Variants in ADGRB3 observed in about 807,000 individuals in gnomAD.
ADGRB3 encodes adhesion G protein-coupled receptor B3.
Under a neutral mutation model 193.4 loss-of-function variants are expected in ADGRB3, and 37 were observed. The observed-to-expected ratio is 0.19, with a 90% CI of 0.15 to 0.25. ADGRB3 has a LOEUF of 0.25. Among genes scored for constraint, ADGRB3 ranks in the 10% least tolerant of loss-of-function variants. The pLI is 1.00. For missense variants in ADGRB3, 1,637 were observed against 1,852.9 expected (o/e 0.88, Z 2.14); for synonymous variants, 690 against 644.2 (o/e 1.07, Z -1.08).
At chr6:69,323,127 C>A (rs1432137062) in intron 20 of ADGRB3, among the ~76,000 whole-genome samples, 2 of 151,978 alleles carry the variant, frequency 1.3e-5, no homozygotes, top group Non-Finnish European at 2.9e-5. Context: ...AGTACACCAA[C>A]ACTTAGGGTC....
intron 16 of ADGRB3, among the ~76,000 whole-genome samples, chr6:69,070,738 T>G (rs889476579): frequency 6.6e-6 from 1 of 152,178 alleles, no homozygotes; most frequent in Non-Finnish European, 1.5e-5. Context: ...GCATCCCAGT[T>G]TATTCTGAAG....
intron 3 of ADGRB3, among the ~76,000 whole-genome samples, chr6:68,882,235 T>C (rs781283936): frequency 1.3e-5 from 2 of 152,136 alleles, no homozygotes; most frequent in African/African-American, 2.4e-5. Flanking sequence ...CAAGGAAAAA[T>C]ATATTTAGAT....
At position 68,866,888 on chromosome 6, in the gene ADGRB3, T is replaced by A. The variant is rs140102314; in HGVS notation, c.758-63671T>A. Among the ~76,000 whole-genome samples the A allele has an allele frequency of 2.2e-3, 337 of 152,270 alleles. 3 individuals carry two copies. The highest frequency in any genetic ancestry group is 7.6e-3 in the African/African-American group (316 of 41,564). ...CTTCCAAGTAAAAAAGCATTCAAGA[T>A]GTAATATGGCTGCTCCTAATAGTAT... On this transcript the variant is annotated intron_variant, in intron 3 of 31. Transcript: ENST00000370598.
chr6:69,235,677 C>G (rs1227035424), intron 19 of ADGRB3, among the ~76,000 whole-genome samples: 3 of 151,860 alleles, frequency 2.0e-5, no homozygotes, highest in Non-Finnish European at 4.4e-5. Context: ...CAGACTTTGA[C>G]AAATTGATTA....
chr6:69,351,091 G>C (rs1322264977), intron 26 of ADGRB3, among the ~76,000 whole-genome samples: 1 of 124,960 alleles, frequency 8.0e-6, no homozygotes, highest in African/African-American at 3.3e-5. Flanking sequence ...AGATTCCCTA[G>C]ATACTTTTTT....
At chr6:69,187,675 T>G (rs914983836) in intron 17 of ADGRB3, among the ~76,000 whole-genome samples, 2 of 152,200 alleles carry the variant, frequency 1.3e-5, no homozygotes, top group African/African-American at 4.8e-5. Context: ...TTACTTCTGT[T>G]TCAACACAAA....
At chr6:69,108,165 G>A (rs971579773) in intron 17 of ADGRB3, among the ~76,000 whole-genome samples, 1 of 151,618 alleles carries the variant, frequency 6.6e-6, no homozygotes, top group Non-Finnish European at 1.5e-5. Context: ...TTTTCTTTTA[G>A]GAGAGACTGT....
chr6:69,380,181 T>C (rs1186040278), intron 30 of ADGRB3, among the ~76,000 whole-genome samples: 2 of 151,994 alleles, frequency 1.3e-5, no homozygotes, highest in Non-Finnish European at 2.9e-5. Flanking sequence ...GTTTGCTTCT[T>C]AAAAATGCTT....
At chr6:69,296,346 C>G (rs1453633050) in intron 20 of ADGRB3, among the ~76,000 whole-genome samples, 1 of 152,090 alleles carries the variant, frequency 6.6e-6, no homozygotes, top group Non-Finnish European at 1.5e-5. Context: ...AAACGAGAGG[C>G]TCAGCCATGT....
At chr6:68,848,931 T>G (rs551915129) in intron 3 of ADGRB3, among the ~76,000 whole-genome samples, 6 of 152,164 alleles carry the variant, frequency 3.9e-5, no homozygotes, top group Admixed American at 3.9e-4. Flanking sequence ...AAGACTAACT[T>G]AATTTTTAAT....
At chr6:69,126,570 G>A (rs190793785) in intron 17 of ADGRB3, among the ~76,000 whole-genome samples, 1 of 152,300 alleles carries the variant, frequency 6.6e-6, no homozygotes, top group Admixed American at 6.5e-5. Context: ...AAGAGAGAGA[G>A]AGAATTCACC....
At chr6:68,871,977 G>T (rs899353776) in intron 3 of ADGRB3, among the ~76,000 whole-genome samples, 1 of 151,962 alleles carries the variant, frequency 6.6e-6, no homozygotes, top group Non-Finnish European at 1.5e-5. Context: ...TTAAACTTTT[G>T]CTAAAATTTT....
chr6:68,846,870 A>G (rs1438820815), intron 3 of ADGRB3, among the ~76,000 whole-genome samples: 1 of 152,198 alleles, frequency 6.6e-6, no homozygotes, highest in East Asian at 1.9e-4. Context: ...ACCATCTGTC[A>G]GACCCCAGAA....
At chr6:68,982,125 C>G (rs1311985207) in intron 10 of ADGRB3, among the ~76,000 whole-genome samples, 2 of 152,150 alleles carry the variant, frequency 1.3e-5, no homozygotes, top group East Asian at 3.9e-4. Flanking sequence ...ACCTCATGAT[C>G]TGCCTGCCTC....
chr6:69,332,300 C>A (rs1250981816), intron 23 of ADGRB3: 1 of 985,206 alleles, frequency 1.0e-6, no homozygotes, highest in Admixed American at 6.2e-5. Context: ...AATGATAGAA[C>A]TGTACACTAG....
chr6:68,762,207 T>A (rs1766405603), intron 3 of ADGRB3, among the ~76,000 whole-genome samples: 1 of 152,114 alleles, frequency 6.6e-6, no homozygotes, highest in African/African-American at 2.4e-5. Context: ...GTTCAATCCC[T>A]TCTCTTTTCC....
intron 3 of ADGRB3, among the ~76,000 whole-genome samples, chr6:68,647,400 A>C (rs945957955): frequency 1.3e-5 from 2 of 152,142 alleles, no homozygotes; most frequent in Non-Finnish European, 1.5e-5. Context: ...ATTCTCTTCA[A>C]ATCAGCACAG....
intron 3 of ADGRB3, among the ~76,000 whole-genome samples, chr6:68,745,197 C>T (rs557650200): frequency 6.6e-6 from 1 of 152,202 alleles, no homozygotes; most frequent in Admixed American, 6.5e-5. Context: ...AACCTAAATG[C>T]CCATTGACCA....
At chr6:68,800,773 G>C (rs1767296072) in intron 3 of ADGRB3, among the ~76,000 whole-genome samples, 1 of 152,048 alleles carries the variant, frequency 6.6e-6, no homozygotes, top group South Asian at 2.1e-4. Flanking sequence ...TAGGAGTTAA[G>C]ATGCATACCG....
Sources: gnomAD v4.1 joint callset for allele counts (sites outside exome capture counted in the v4.1 genomes callset) on GRCh38, gnomAD v4.1.1 for gene constraint, MANE v1.5 for transcripts, NCBI Gene and HGNC (gene_info 2026-07-23, HGNC 2026-07-21) for gene names.